Variants in RBFOX1 observed in about 807,000 individuals in gnomAD.
RBFOX1 encodes RNA binding fox-1 homolog 1.
In RBFOX1, 8 loss-of-function variants were observed where a neutral mutation model predicts 57.7. The ratio of observed to expected loss-of-function variants is 0.14; its 90% CI spans 0.08 to 0.25. The LOEUF is 0.25. RBFOX1 is among the 10% of genes least tolerant of loss of function. RBFOX1 has a pLI of 1.00. For synonymous variants in RBFOX1, 326 were observed against 222.4 expected (o/e 1.47, Z -4.15); for missense variants, 611 against 548.5 (o/e 1.11, Z -1.14).
intron 4 of RBFOX1, among the ~76,000 whole-genome samples, chr16:7,058,558 C>T (rs2053212624): frequency 6.6e-6 from 1 of 151,936 alleles, no homozygotes; most frequent in Admixed American, 6.6e-5. Flanking sequence ...AATCATTGCA[C>T]AGATTTCATA....
At chr16:5,999,889 A>T (rs2060561555) in intron 4 of RBFOX1, among the ~76,000 whole-genome samples, 2 of 79,072 alleles carry the variant, frequency 2.5e-5, no homozygotes, top group African/African-American at 4.3e-5. Context: ...AAAAAAAAAA[A>T]AAAAAAAAAA....
intron 3 of RBFOX1, among the ~76,000 whole-genome samples, chr16:5,625,530 T>C (rs936260946): frequency 4.8e-5 from 5 of 104,974 alleles, no homozygotes; most frequent in African/African-American, 6.7e-5. Context: ...CTTTTAATAT[T>C]TTTTGTTATT....
chr16:6,872,079 G>A (rs2061011061), intron 3 of RBFOX1, among the ~76,000 whole-genome samples: 1 of 151,968 alleles, frequency 6.6e-6, no homozygotes, highest in Non-Finnish European at 1.5e-5. Context: ...ACCCTTCTTT[G>A]TCTTTTCACA....
intron 1 of RBFOX1, among the ~76,000 whole-genome samples, chr16:5,401,416 T>C (rs901272886): frequency 1.3e-5 from 2 of 152,144 alleles, no homozygotes. Flanking sequence ...TGCTGTGACT[T>C]GGTTTGCCCA....
chr16:7,211,209 G>T (rs953377129), intron 4 of RBFOX1, among the ~76,000 whole-genome samples: 2 of 151,720 alleles, frequency 1.3e-5, no homozygotes, highest in African/African-American at 4.8e-5. Flanking sequence ...GGCTAACACA[G>T]TTAAACCCCG....
chr16:5,258,145 G>A (rs1201845692), intron 1 of RBFOX1, among the ~76,000 whole-genome samples: 4 of 152,134 alleles, frequency 2.6e-5, no homozygotes, highest in Admixed American at 2.0e-4. Flanking sequence ...GCCTCCTAAA[G>A]TGCTGGGATT....
At chr16:7,535,412 C>T (rs563072726) in intron 5 of RBFOX1, among the ~76,000 whole-genome samples, 1 of 152,182 alleles carries the variant, frequency 6.6e-6, no homozygotes, top group Non-Finnish European at 1.5e-5. Context: ...AGACATCTCG[C>T]TGGACATTGC....
intron 4 of RBFOX1, among the ~76,000 whole-genome samples, chr16:7,496,224 A>C (rs1334804595): frequency 6.6e-6 from 1 of 152,018 alleles, no homozygotes; most frequent in African/African-American, 2.4e-5. Flanking sequence ...GCTCACTGCA[A>C]CCTCCATCTC....
At chr16:6,600,914 C>G (rs1050602883) in intron 2 of RBFOX1, among the ~76,000 whole-genome samples, 1 of 152,106 alleles carries the variant, frequency 6.6e-6, no homozygotes, top group Non-Finnish European at 1.5e-5. Flanking sequence ...TATGACTAAA[C>G]AAAGTCCCTC....
At chr16:5,263,898 A>T (rs1375848796) in intron 1 of RBFOX1, among the ~76,000 whole-genome samples, 1 of 152,210 alleles carries the variant, frequency 6.6e-6, no homozygotes, top group Non-Finnish European at 1.5e-5. Flanking sequence ...ATAGAGTTGG[A>T]TGGTGAGATT....
At chr16:7,643,607 T>C (rs568902644) in intron 11 of RBFOX1, among the ~76,000 whole-genome samples, 2 of 152,222 alleles carry the variant, frequency 1.3e-5, no homozygotes, top group Non-Finnish European at 2.9e-5. Context: ...CACACTGTAC[T>C]AGTACAAACC....
intron 1 of RBFOX1, among the ~76,000 whole-genome samples, chr16:6,142,907 A>G (rs1356329114): frequency 3.3e-5 from 5 of 152,202 alleles, no homozygotes; most frequent in Non-Finnish European, 7.3e-5. Flanking sequence ...TCTGACTGCA[A>G]GGAGCTCTTC....
chr16:7,302,366 G>A (rs2096055336), intron 4 of RBFOX1, among the ~76,000 whole-genome samples: 3 of 152,154 alleles, frequency 2.0e-5, no homozygotes, highest in Non-Finnish European at 4.4e-5. Context: ...AAAGTGAGTT[G>A]TGCCTTGCGA....
chr16:7,482,344 A>C (rs1244556142), intron 4 of RBFOX1, among the ~76,000 whole-genome samples: 1 of 152,128 alleles, frequency 6.6e-6, no homozygotes, highest in Non-Finnish European at 1.5e-5. Context: ...CCGGTGAGAA[A>C]AATGAGGCTC....
intron 12 of RBFOX1, among the ~76,000 whole-genome samples, chr16:7,658,287 A>G (rs1180485928): frequency 6.6e-6 from 1 of 152,154 alleles, no homozygotes; most frequent in East Asian, 1.9e-4. Flanking sequence ...GGGCACTTGC[A>G]GTTTCACAGA....
chr16:6,937,567 C>G (rs1450385198), intron 3 of RBFOX1, among the ~76,000 whole-genome samples: 2 of 152,080 alleles, frequency 1.3e-5, no homozygotes, highest in Non-Finnish European at 2.9e-5. Flanking sequence ...CCTAGTTTCA[C>G]ACATTTTAGG....
At chr16:5,801,124 G>A (rs1467349927) in intron 3 of RBFOX1, among the ~76,000 whole-genome samples, 1 of 152,160 alleles carries the variant, frequency 6.6e-6, no homozygotes, top group Admixed American at 6.5e-5. Context: ...GGAAGTTCCT[G>A]GGCGCATGTG....
intron 1 of RBFOX1, among the ~76,000 whole-genome samples, chr16:6,048,631 C>G (rs774976588): frequency 2.6e-5 from 4 of 152,088 alleles, no homozygotes; most frequent in Non-Finnish European, 4.4e-5. Flanking sequence ...CCAGCAAACC[C>G]TTAAAATTTA....
In RBFOX1 at chr16:6,344,428, G is replaced by A. The variant is rs1379859029; in HGVS notation, c.-64+27371G>A. Among the ~76,000 whole-genome samples, 5 of 27,430 alleles carry A rather than the reference G, an allele frequency of 1.8e-4. No individual in the cohort carries two copies. The African/African-American group carries it at 4.3e-3, about 24-fold the overall frequency. The allele number at this position is 27,430 out of a possible 152,430, so 18.0% of individuals were successfully genotyped here. A position where few individuals can be genotyped will look rare whatever the true frequency, so the allele number is the denominator to read the frequency against. The stretch of plus-strand genomic sequence containing the variant: ...TTTTCTTTTTTTTTTTTGAGACAGA[G>A]TCTCTATCGCCCAGGCTGGAGTGCA... On this transcript the variant is annotated intron_variant, in intron 2 of 15. Coordinates refer to ENST00000550418, the MANE Select transcript of RBFOX1 (RefSeq NM_018723.4).
Sources: gnomAD v4.1 joint callset for allele counts (sites outside exome capture counted in the v4.1 genomes callset) on GRCh38, gnomAD v4.1.1 for gene constraint, MANE v1.5 for transcripts, NCBI Gene and HGNC (gene_info 2026-07-23, HGNC 2026-07-21) for gene names.